Variants in LUZP2 observed in about 807,000 individuals in gnomAD.
LUZP2 encodes leucine zipper protein 2.
In LUZP2, 52 loss-of-function variants were observed where a neutral mutation model predicts 51.6. The ratio of observed to expected loss-of-function variants is 1.01; its 90% CI spans 0.81 to 1.27. LUZP2 has a LOEUF of 1.27. Among genes scored for constraint, LUZP2 ranks in the 50% most tolerant of loss-of-function variants. LUZP2 has a pLI of 0.00. For synonymous variants in LUZP2, 154 were observed against 137.3 expected (o/e 1.12, Z -0.85); for missense variants, 436 against 395.4 (o/e 1.10, Z -0.87).
Position 24,648,031 on chromosome 11 carries a change from G to T in LUZP2, c.63-81138G>T, listed in dbSNP as rs182086693. On this transcript the variant is annotated intron_variant, in intron 1 of 11. Transcript: ENST00000336930. ...TGAACTTTCTTTCTTCACCTGCTGT[G>T]CTAGCCCTGTTTTCCTCTAGCATGA... 2.9e-3 allele frequency among the ~76,000 whole-genome samples: 446 copies of T among 151,850 alleles called. 4 individuals carry two copies. Among genetic ancestry groups the T allele is most frequent in the African/African-American group, 0.01 (425 of 41,478 alleles).
intron 1 of LUZP2, among the ~76,000 whole-genome samples, chr11:24,637,678 G>GTT (rs1372828958): frequency 6.6e-6 from 1 of 151,734 alleles, no homozygotes; most frequent in Non-Finnish European, 1.5e-5. Flanking sequence ...ATATGCCCTG[G>GTT]TCTCCTGCAG....
At chr11:24,968,582 A>G (rs1011038116) in intron 7 of LUZP2, among the ~76,000 whole-genome samples, 10 of 151,978 alleles carry the variant, frequency 6.6e-5, no homozygotes, top group African/African-American at 2.4e-4. Context: ...TTGTTCTATT[A>G]TTGCCCTTGT....
chr11:24,663,916 G>T (rs1856114488), intron 1 of LUZP2, among the ~76,000 whole-genome samples: 1 of 152,084 alleles, frequency 6.6e-6, no homozygotes. Context: ...GTTCCTGAAG[G>T]CTTCCCCAGC....
intron 5 of LUZP2, among the ~76,000 whole-genome samples, chr11:24,826,699 A>G (rs1427152396): frequency 1.3e-5 from 2 of 152,150 alleles, no homozygotes; most frequent in Non-Finnish European, 2.9e-5. Flanking sequence ...AAATGTCTAG[A>G]GTTTCACTGA....
chr11:24,997,018 T>G (rs1590815761), intron 9 of LUZP2, among the ~76,000 whole-genome samples: 1 of 150,126 alleles, frequency 6.7e-6, no homozygotes, highest in East Asian at 2.0e-4. Flanking sequence ...CAGTCTATCA[T>G]TGTTGGACAT....
At chr11:24,499,026 A>G (rs1214043402) in intron 1 of LUZP2, among the ~76,000 whole-genome samples, 2 of 152,190 alleles carry the variant, frequency 1.3e-5, no homozygotes, top group Non-Finnish European at 2.9e-5. Context: ...AAAAGCCATT[A>G]TCTTTTCCTT....
At chr11:24,622,573 G>T (rs1193947020) in intron 1 of LUZP2, among the ~76,000 whole-genome samples, 3 of 152,056 alleles carry the variant, frequency 2.0e-5, no homozygotes, top group Admixed American at 2.0e-4. Context: ...TTATCACAAT[G>T]ATAATCTCAG....
chr11:24,787,915 C>A (rs1472339626), intron 5 of LUZP2, among the ~76,000 whole-genome samples: 1 of 152,014 alleles, frequency 6.6e-6, no homozygotes, highest in Admixed American at 6.6e-5. Flanking sequence ...TGTGTGTCAC[C>A]AAGCCTTGCT....
rs1554951013 is a variant in LUZP2 at position 24,991,360 on chromosome 11, A to ATG, written c.765+8075_765+8076dup. Among the ~76,000 whole-genome samples, 13 of 134,774 alleles carry ATG rather than the reference A, an allele frequency of 9.6e-5. 1 individual carries two copies. The highest frequency in any genetic ancestry group is 5.2e-4 in the South Asian group (2 of 3,872). 88.4% of individuals were successfully genotyped at this position (134,774 alleles called of 152,430 possible). ...TATATGTGTGTGTGTGTATATATAT[A>ATG]TGTGTGTGTATATATATGTGTGTGT... is the stretch of plus-strand genomic sequence containing the variant. On this transcript the variant is annotated intron_variant, in intron 9 of 11. Coordinates refer to ENST00000336930, the MANE Select transcript of LUZP2 (RefSeq NM_001009909.4).
chr11:24,891,482 A>G, intron 5 of LUZP2: 2 of 951,208 alleles, frequency 2.1e-6, no homozygotes, highest in Non-Finnish European at 2.5e-6. Context: ...ACTTTACTAT[A>G]AAGCTATATT....
chr11:24,694,787 T>C (rs1489616220), intron 1 of LUZP2, among the ~76,000 whole-genome samples: 2 of 152,190 alleles, frequency 1.3e-5, no homozygotes, highest in East Asian at 3.9e-4. Context: ...TGGATGAAGC[T>C]GGAAACCATT....
At chr11:24,752,488 G>A (rs1859628470) in intron 4 of LUZP2, among the ~76,000 whole-genome samples, 1 of 152,162 alleles carries the variant, frequency 6.6e-6, no homozygotes, top group African/African-American at 2.4e-5. Flanking sequence ...GACTGCAAGT[G>A]ATATGAGGAT....
intron 1 of LUZP2, among the ~76,000 whole-genome samples, chr11:24,721,052 T>G (rs1420001767): frequency 1.3e-5 from 2 of 152,172 alleles, no homozygotes; most frequent in Admixed American, 1.3e-4. Context: ...ACATGGCCAA[T>G]AGCAGGAGAA....
intron 7 of LUZP2, among the ~76,000 whole-genome samples, chr11:24,959,263 T>G (rs1855316235): frequency 6.6e-6 from 1 of 152,084 alleles, no homozygotes; most frequent in Non-Finnish European, 1.5e-5. Context: ...CATATGAACT[T>G]TAAAGTAGTT....
chr11:25,017,606 C>G (rs1459623342), intron 9 of LUZP2, among the ~76,000 whole-genome samples: 1 of 152,016 alleles, frequency 6.6e-6, no homozygotes, highest in African/African-American at 2.4e-5. Context: ...TATTCTGTTT[C>G]TTTCGTTTAT....
chr11:24,694,305 A>G (rs1027605297), intron 1 of LUZP2, among the ~76,000 whole-genome samples: 1 of 151,958 alleles, frequency 6.6e-6, no homozygotes, highest in Non-Finnish European at 1.5e-5. Context: ...TTATTTCCCC[A>G]TATATCTATC....
At chr11:24,740,258 G>A (rs1038415285) in intron 4 of LUZP2, among the ~76,000 whole-genome samples, 5 of 152,120 alleles carry the variant, frequency 3.3e-5, no homozygotes, top group Non-Finnish European at 2.9e-5. Context: ...AATTATTCCA[G>A]TAGATTATGC....
intron 7 of LUZP2, among the ~76,000 whole-genome samples, chr11:24,948,036 T>C (rs891783925): frequency 6.6e-6 from 1 of 151,934 alleles, no homozygotes; most frequent in African/African-American, 2.4e-5. Context: ...TTCCTTTCTT[T>C]TGGTATTCCG....
At chr11:24,747,599 T>C (rs368607060) in intron 4 of LUZP2, among the ~76,000 whole-genome samples, 39 of 152,044 alleles carry the variant, frequency 2.6e-4, no homozygotes, top group African/African-American at 8.4e-4. Context: ...GTGAGCAGGG[T>C]CCTAAAACTC....
Sources: allele counts gnomAD v4.1 joint callset (sites outside exome capture counted in the v4.1 genomes callset), GRCh38; gene constraint gnomAD v4.1.1; transcripts MANE v1.5; gene names NCBI Gene and HGNC (gene_info 2026-07-23, HGNC 2026-07-21).